Variants in EPB41L2 observed in about 807,000 individuals in gnomAD.
EPB41L2 encodes band 4.1-like protein 2.
In EPB41L2, 43 loss-of-function variants were observed where a neutral mutation model predicts 113.0. The observed-to-expected ratio is 0.38, with a 90% CI of 0.30 to 0.49. The LOEUF (loss-of-function observed/expected upper bound fraction) is 0.49. Ranked by LOEUF, EPB41L2 falls within the 20% of genes least tolerant of loss-of-function variation. EPB41L2 has a pLI of 0.95. For missense variants in EPB41L2, 1,147 were observed against 1,223.4 expected (o/e 0.94, Z 0.93); for synonymous variants, 442 against 436.7 (o/e 1.01, Z -0.15).
chr6:130,917,845 A>G lies in EPB41L2; in HGVS notation c.810+8760T>C, dbSNP rs113651993. 3.6e-3 allele frequency among the ~76,000 whole-genome samples: 553 copies of G among 152,334 alleles called. 2 individuals are homozygous for G. The highest frequency in any genetic ancestry group is 7.7e-3 in the Admixed American group (118 of 15,302). ...AAGACCCCAGAGTTCGAAGTTTCTC[A>G]AATGCCTCGCCATGCCTTCCTCACT... is the stretch of plus-strand genomic sequence containing the variant. On this transcript the variant is annotated intron_variant, in intron 4 of 19. Coordinates refer to ENST00000337057, the MANE Select transcript of EPB41L2 (RefSeq NM_001431.4).
At chr6:131,047,899 G>C (rs1362669610) in intron 1 of EPB41L2, among the ~76,000 whole-genome samples, 18 of 151,834 alleles carry the variant, frequency 1.2e-4, no homozygotes, top group Admixed American at 1.2e-3. Flanking sequence ...CCCAGCACTT[G>C]GGAGGCCAAG....
chr6:130,878,647 C>A, intron 13 of EPB41L2: 1 of 168,822 alleles, frequency 5.9e-6, no homozygotes, highest in East Asian at 1.9e-4. Flanking sequence ...ATTTACCTTT[C>A]TGATTAGGAC....
intron 14 of EPB41L2, among the ~76,000 whole-genome samples, chr6:130,871,101 AG>A (rs1420541506): frequency 6.6e-6 from 1 of 152,158 alleles, no homozygotes; most frequent in East Asian, 1.9e-4. Context: ...TTGGGAGTAA[AG>A]TAATTTACTC....
intron 1 of EPB41L2, among the ~76,000 whole-genome samples, chr6:130,965,651 AAAAAAAAAAAG>A (rs1181054708): frequency 2.0e-5 from 3 of 151,798 alleles, no homozygotes; most frequent in African/African-American, 7.2e-5. Context: ...TATCAAAAAA[AAAAAAAAAAAG>A]AAAGAAAGAA....
chr6:130,854,828 G>C (rs1779733527), intron 19 of EPB41L2, among the ~76,000 whole-genome samples: 1 of 152,154 alleles, frequency 6.6e-6, no homozygotes, highest in Non-Finnish European at 1.5e-5. Context: ...TGAAAACATA[G>C]CCTTCAGCCT....
intron 1 of EPB41L2, among the ~76,000 whole-genome samples, chr6:130,976,628 A>C (rs973026090): frequency 6.6e-6 from 1 of 152,170 alleles, no homozygotes; most frequent in Non-Finnish European, 1.5e-5. Flanking sequence ...GAGAATCTCT[A>C]ATCAAAAAGT....
At position 130,987,692 on chromosome 6, in the gene EPB41L2, CATAAATGA is replaced by C. The variant is rs568680744; in HGVS notation, c.-14-31201_-14-31194del. Among the ~76,000 whole-genome samples the C allele has an allele frequency of 6.1e-3, 773 of 125,694 alleles. 3 individuals are homozygous for C. Among genetic ancestry groups the C allele is most frequent in the Non-Finnish European group, 0.01 (591 of 58,886 alleles). The allele number at this position is 125,694 out of a possible 152,430, so 82.5% of individuals were successfully genotyped here. A position where few individuals can be genotyped will look rare whatever the true frequency, so the allele number is the denominator to read the frequency against. Reference sequence around the variant, plus strand: ...TGGGCAACAGAGCAAGACTCTGTCTCATAAATGAATGAATGAATGAATGAATGAATGAA... The same window carrying C: ...TGGGCAACAGAGCAAGACTCTGTCTCATGAATGAATGAATGAATGAATGAA... On this transcript the variant is annotated intron_variant, in intron 1 of 19. Coordinates refer to ENST00000337057, the MANE Select transcript of EPB41L2 (RefSeq NM_001431.4).
chr6:131,030,584 A>G (rs913383450), intron 1 of EPB41L2, among the ~76,000 whole-genome samples: 4 of 152,230 alleles, frequency 2.6e-5, no homozygotes, highest in Non-Finnish European at 4.4e-5. Context: ...CAATTTTTCA[A>G]TCGCTTACCT....
At chr6:130,929,857 T>TCACACACACACACACACA (rs140350248) in intron 3 of EPB41L2, among the ~76,000 whole-genome samples, 29 of 123,370 alleles carry the variant, frequency 2.4e-4, no homozygotes, top group African/African-American at 5.6e-4. Context: ...AGACAGACAG[T>TCACACACACACACACACA]CACACACACA....
At chr6:130,946,691 T>C (rs983650203) in intron 3 of EPB41L2, among the ~76,000 whole-genome samples, 2 of 152,008 alleles carry the variant, frequency 1.3e-5, no homozygotes, top group African/African-American at 2.4e-5. Flanking sequence ...AAAATACATA[T>C]AAATATATAA....
At chr6:131,048,238 A>G (rs1433779138) in intron 1 of EPB41L2, among the ~76,000 whole-genome samples, 4 of 152,056 alleles carry the variant, frequency 2.6e-5, no homozygotes, top group Non-Finnish European at 5.9e-5. Context: ...AAATTATACA[A>G]CATCAACTTT....
intron 14 of EPB41L2, among the ~76,000 whole-genome samples, chr6:130,873,068 A>G (rs1786273605): frequency 6.6e-6 from 1 of 151,990 alleles, no homozygotes; most frequent in South Asian, 2.1e-4. Context: ...CAACTCCTAC[A>G]ATCTCCCTCC....
At chr6:130,861,890 G>A (rs1201967110) in intron 18 of EPB41L2, among the ~76,000 whole-genome samples, 8 of 112,656 alleles carry the variant, frequency 7.1e-5, no homozygotes, top group Admixed American at 8.8e-5. Context: ...AAAAAAAAAA[G>A]TTTATGCTAT....
At chr6:131,055,149 G>C (rs1797360078) in intron 1 of EPB41L2, among the ~76,000 whole-genome samples, 1 of 152,162 alleles carries the variant, frequency 6.6e-6, no homozygotes, top group Non-Finnish European at 1.5e-5. Context: ...CTGTCAAGAA[G>C]GGAGCTAGGG....
At chr6:130,843,908 A>G (rs1776237190) in intron 19 of EPB41L2, among the ~76,000 whole-genome samples, 1 of 152,212 alleles carries the variant, frequency 6.6e-6, no homozygotes, top group African/African-American at 2.4e-5. Flanking sequence ...AGTGCACCCA[A>G]TGAGCAGTGG....
In EPB41L2 at chr6:131,021,161, G is replaced by T. The variant is rs556178733; in HGVS notation, c.-15+41994C>A. Among the ~76,000 whole-genome samples the T allele has an allele frequency of 1.5e-4, 23 of 152,288 alleles. No individual in the cohort carries two copies. In the South Asian group the frequency reaches 4.8e-3, roughly 32 times the overall value. ...TTATCACTTCATGGGAGTTTAGTTAGTGCTGTGATCTTTCCACAGAAGGAG... is the reference window on the plus strand; with the variant it reads ...TTATCACTTCATGGGAGTTTAGTTATTGCTGTGATCTTTCCACAGAAGGAG... On this transcript the variant is annotated intron_variant, in intron 1 of 19. Transcript: ENST00000337057.
At chr6:130,959,233 C>A (rs902654353) in intron 1 of EPB41L2, among the ~76,000 whole-genome samples, 5 of 152,106 alleles carry the variant, frequency 3.3e-5, no homozygotes, top group African/African-American at 1.2e-4. Context: ...CTGGCTGACA[C>A]ATATAATTCA....
chr6:130,848,413 A>G (rs1412139810), intron 19 of EPB41L2, among the ~76,000 whole-genome samples: 4 of 152,240 alleles, frequency 2.6e-5, no homozygotes, highest in Non-Finnish European at 5.9e-5. Context: ...AGGAACATGT[A>G]TATGTAATTT....
rs1418827323 is a variant in EPB41L2 at position 130,841,896 on chromosome 6, G to A, written c.*6-1298C>T. On this transcript the variant is annotated intron_variant, in intron 19 of 19. Coordinates refer to ENST00000337057, the MANE Select transcript of EPB41L2 (RefSeq NM_001431.4). ...AGTCTTGCAGAAGTCCACAATCAAAGGTAAGTGGAGAAGACTTTTTAAAAA... is the reference window on the plus strand; with the variant it reads ...AGTCTTGCAGAAGTCCACAATCAAAAGTAAGTGGAGAAGACTTTTTAAAAA... 2.6e-5 allele frequency among the ~76,000 whole-genome samples: 4 copies of A among 152,286 alleles called. No individual in the cohort carries two copies. The East Asian group carries it at 7.7e-4, about 29-fold the overall frequency.
Sources: gnomAD v4.1 joint callset for allele counts (sites outside exome capture counted in the v4.1 genomes callset) on GRCh38, gnomAD v4.1.1 for gene constraint, MANE v1.5 for transcripts, NCBI Gene and HGNC (gene_info 2026-07-23, HGNC 2026-07-21) for gene names.